Variants in HIPK3 observed in about 807,000 individuals in gnomAD.
The protein encoded by HIPK3 is homeodomain-interacting protein kinase 3.
HIPK3 carries 47 observed loss-of-function variants against 124.2 expected under a neutral mutation model. The observed-to-expected ratio is 0.38, with a 90% CI of 0.30 to 0.48. The LOEUF (loss-of-function observed/expected upper bound fraction) is 0.48. HIPK3 is among the 20% of genes least tolerant of loss of function. The pLI is 0.98. For missense variants in HIPK3, 1,286 were observed against 1,454.3 expected, an observed-to-expected ratio of 0.88 and a Z score of 1.88; for synonymous variants, 482 against 515.2, an observed-to-expected ratio of 0.94 and a Z score of 0.87.
At chr11:33,347,138 C>T (rs1005819836) in intron 8 of HIPK3, among the ~76,000 whole-genome samples, 155 bp from the exon 9 acceptor site, 5 of 151,792 alleles carry the variant, frequency 3.3e-5, no homozygotes, top group Non-Finnish European at 5.9e-5. Context: ...ATGGATCATG[C>T]CACTGTGCTC....
At position 33,263,961 on chromosome 11, in the gene HIPK3, GT is replaced by G. The variant is rs145943170; in HGVS notation, c.-3+6074del. 9.9e-3 allele frequency among the ~76,000 whole-genome samples: 1,506 copies of G among 152,256 alleles called. 31 individuals are homozygous for G. The highest frequency in any genetic ancestry group is 0.034 in the African/African-American group (1,395 of 41,540). On this transcript the variant is annotated intron_variant, in intron 1 of 16. Transcript: ENST00000303296. ...AATATTGCTGTTAAAATGAGTTTGA[GT>G]TATAGGATATATCCTTTTAGTTTCT... is the stretch of plus-strand genomic sequence containing the variant.
intron 2 of HIPK3, among the ~76,000 whole-genome samples, chr11:33,293,079 G>T (rs1446134740): frequency 2.0e-5 from 3 of 152,204 alleles, no homozygotes; most frequent in Admixed American, 2.0e-4. Context: ...CTGCAAATGT[G>T]TAGTACTTTA....
At chr11:33,266,733 C>CA (rs1457852182) in intron 1 of HIPK3, among the ~76,000 whole-genome samples, 1 of 151,848 alleles carries the variant, frequency 6.6e-6, no homozygotes, top group Non-Finnish European at 1.5e-5. Flanking sequence ...AACAAAAAAC[C>CA]AAAAAACCCT....
chr11:33,304,067 A>G (rs923093695), intron 2 of HIPK3, among the ~76,000 whole-genome samples: 1 of 152,024 alleles, frequency 6.6e-6, no homozygotes, highest in African/African-American at 2.4e-5. Context: ...CAGCCTCCCA[A>G]GTAGCTGGGA....
In HIPK3 at chr11:33,356,032, A is replaced by AATGC. The variant is rs1311846879; in HGVS notation, c.*2464_*2465insATGC. 19 of 152,012 alleles carry AATGC rather than the reference A, an allele frequency of 1.2e-4. No homozygotes were observed. The highest frequency in any genetic ancestry group is 2.9e-5 in the Non-Finnish European group (2 of 67,880). The allele number at this position is 152,012 out of a possible 1,614,324, so 9.4% of individuals were successfully genotyped here. On this transcript the variant is annotated 3_prime_UTR_variant, in exon 17 of 17. Transcript: ENST00000303296. ...AGGAAAGAATCAATGCTGGCAACAC[A>AATGC]TTGTTTCAGAAACACCAAGTGCAAA...
At chr11:33,343,427 G>A (rs979860867) in intron 8 of HIPK3, among the ~76,000 whole-genome samples, 21 of 151,816 alleles carry the variant, frequency 1.4e-4, no homozygotes, top group Admixed American at 7.9e-4. Flanking sequence ...TTACAGGTAT[G>A]CACCACCACT....
chr11:33,356,653 A>G lies in HIPK3; in HGVS notation c.*3085A>G, dbSNP rs1449906396. ...TGCAAGGTGTAGGAAGATTTGTTTT[A>G]ATGAATCCAATGATACAGATTTGAT... On this transcript the variant is annotated 3_prime_UTR_variant, in exon 17 of 17. Transcript: ENST00000303296. 1.3e-5 allele frequency: 2 copies of G among 152,118 alleles called. No individual in the cohort carries two copies. The highest frequency in any genetic ancestry group is 3.8e-4 in the East Asian group (2 of 5,204). The allele number at this position is 152,118 out of a possible 1,614,324, so 9.4% of individuals were successfully genotyped here.
intron 2 of HIPK3, among the ~76,000 whole-genome samples, chr11:33,294,174 G>A (rs1174989175): frequency 1.3e-5 from 2 of 148,802 alleles, no homozygotes; most frequent in African/African-American, 2.5e-5. Flanking sequence ...AAAAAAAAAC[G>A]TAGTTGGAGC....
chr11:33,311,371 AGACGAAGTCTT>A, intron 2 of HIPK3, among the ~76,000 whole-genome samples: 1 of 152,268 alleles, frequency 6.6e-6, no homozygotes. Context: ...TTTTGTGTAG[AGACGAAGTCTT>A]GCAGCCCAGA....
chr11:33,286,937 T>A lies in HIPK3; in HGVS notation c.523T>A (p.Cys175Ser). Reference protein sequence around the residue: ...VTATTGSKQNCTTGEGDYQLV... With the variant: ...VTATTGSKQNSTTGEGDYQLV... The stretch of plus-strand genomic sequence containing the variant: ...AGCTACCACAGGATCAAAACAGAAT[T>A]GTACCACTGGAGAAGGTGACTATCA... The change falls in exon 2 of 17, where the codon TGT becomes AGT. Residue 175 changes from cysteine to serine, a missense_variant. Coordinates refer to ENST00000303296, the MANE Select transcript of HIPK3 (RefSeq NM_005734.5). The A allele has an allele frequency of 2.5e-6, 4 of 1,614,196 alleles. No homozygotes were observed. Among genetic ancestry groups the A allele is most frequent in the Non-Finnish European group, 3.4e-6 (4 of 1,180,020 alleles).
Position 33,257,446 on chromosome 11 carries a change from C to A in HIPK3, c.-446C>A. 1 of 985,670 alleles carries A rather than the reference C, an allele frequency of 1.0e-6. No homozygotes were observed. 61.1% of individuals were successfully genotyped at this position (985,670 alleles called of 1,614,324 possible). The stretch of plus-strand genomic sequence containing the variant: ...ACCTGAGGAGATCAAGCCGCAGGCC[C>A]CGCCGTCGCCACCACTCCCGCCAGT... On this transcript the variant is annotated 5_prime_UTR_variant, in exon 1 of 17. Transcript: ENST00000303296.
intron 1 of HIPK3, among the ~76,000 whole-genome samples, chr11:33,270,681 T>C (rs192065614): frequency 7.9e-5 from 12 of 152,224 alleles, no homozygotes; most frequent in African/African-American, 2.6e-4. Context: ...AGAGTCTGGG[T>C]GTGGTAGCTC....
At chr11:33,320,924 A>G (rs1477212027) in intron 2 of HIPK3, among the ~76,000 whole-genome samples, 2 of 152,208 alleles carry the variant, frequency 1.3e-5, no homozygotes, top group African/African-American at 4.8e-5. Context: ...TTGGAGATGT[A>G]CGTTTGGGAG....
At chr11:33,351,271 C>G (rs1853649511) in intron 14 of HIPK3, among the ~76,000 whole-genome samples, 1 of 152,016 alleles carries the variant, frequency 6.6e-6, no homozygotes, top group African/African-American at 2.4e-5. Context: ...AGAGCAGTGC[C>G]TCTTTTGTCA....
intron 1 of HIPK3, among the ~76,000 whole-genome samples, chr11:33,266,640 C>T (rs1305750903): frequency 6.6e-6 from 1 of 151,922 alleles, no homozygotes. Context: ...CCAGGGAGGT[C>T]GATGCTGCAG....
intron 5 of HIPK3, 74 bp from the exon 6 acceptor site, chr11:33,339,276 T>A: frequency 8.6e-7 from 1 of 1,163,070 alleles, no homozygotes; most frequent in Non-Finnish European, 1.2e-6. Flanking sequence ...TTTGTTTTAT[T>A]TTTTAACGGT....
At chr11:33,258,611 C>T (rs879280513) in intron 1 of HIPK3, 1 of 985,402 alleles carries the variant, frequency 1.0e-6, no homozygotes, top group South Asian at 4.7e-5. Flanking sequence ...TTCCCTTCGC[C>T]GCACTGGGAG....
chr11:33,322,005 T>C (rs1222973817), intron 2 of HIPK3, among the ~76,000 whole-genome samples: 1 of 152,076 alleles, frequency 6.6e-6, no homozygotes, highest in Non-Finnish European at 1.5e-5. Context: ...TTATTTTTAT[T>C]ATTATTTTTT....
chr11:33,299,442 C>T (rs1231357724), intron 2 of HIPK3, among the ~76,000 whole-genome samples: 3 of 151,590 alleles, frequency 2.0e-5, no homozygotes, highest in African/African-American at 7.3e-5. Flanking sequence ...ACTGCAATTC[C>T]AGCCTGGGCT....
Sources: allele counts gnomAD v4.1 joint callset (sites outside exome capture counted in the v4.1 genomes callset), GRCh38; gene constraint gnomAD v4.1.1; transcripts MANE v1.5; gene names NCBI Gene and HGNC (gene_info 2026-07-23, HGNC 2026-07-21).